ITFG1: variants seen among roughly 807,000 people sequenced by gnomAD.
ITFG1 encodes integrin alpha FG-GAP repeat containing 1, also known as T-cell immunomodulatory protein.
Under a neutral mutation model 81.8 loss-of-function variants are expected in ITFG1, and 34 were observed. The observed-to-expected ratio is 0.42, with a 90% CI of 0.32 to 0.55. ITFG1 has a LOEUF of 0.55. Among genes scored for constraint, ITFG1 ranks in the 20% least tolerant of loss-of-function variants. ITFG1 has a pLI of 0.17. For synonymous variants in ITFG1, 285 were observed against 270.6 expected (o/e 1.05, Z -0.52); for missense variants, 672 against 755.4 (o/e 0.89, Z 1.29).
chr16:47,155,811 G>T, intron 17 of ITFG1, 33 bp from the exon 18 acceptor site: 1 of 1,457,924 alleles, frequency 6.9e-7, no homozygotes, highest in Non-Finnish European at 9.5e-7. Flanking sequence ...TTTATAAATG[G>T]TAGAAAGATG....
intron 16 of ITFG1, among the ~76,000 whole-genome samples, chr16:47,160,986 AT>A (rs1318512963): frequency 6.6e-6 from 1 of 152,236 alleles, no homozygotes; most frequent in Non-Finnish European, 1.5e-5. Flanking sequence ...TTACATATTC[AT>A]AGATAAATTC....
intron 10 of ITFG1, among the ~76,000 whole-genome samples, chr16:47,267,207 CTATT>C (rs1165626509): frequency 6.6e-6 from 1 of 152,110 alleles, no homozygotes; most frequent in Admixed American, 6.5e-5. Flanking sequence ...CTCAACAAAA[CTATT>C]TACATAGGTT....
At chr16:47,235,923 T>C (rs943316175) in intron 13 of ITFG1, among the ~76,000 whole-genome samples, 1 of 152,160 alleles carries the variant, frequency 6.6e-6, no homozygotes, top group African/African-American at 2.4e-5. Context: ...CAGTAAAATA[T>C]CAGAGAGAAG....
chr16:47,174,397 C>A (rs892205348), intron 14 of ITFG1, among the ~76,000 whole-genome samples: 1 of 152,078 alleles, frequency 6.6e-6, no homozygotes, highest in African/African-American at 2.4e-5. Context: ...AAGAGGAAGA[C>A]CCACTAGCTG....
intron 14 of ITFG1, among the ~76,000 whole-genome samples, chr16:47,192,126 A>T (rs1965300579): frequency 6.6e-6 from 1 of 152,220 alleles, no homozygotes; most frequent in Admixed American, 6.5e-5. Context: ...AGTCTTTGCC[A>T]TAACTGAGTC....
At chr16:47,165,723 G>C (rs189161145) in intron 14 of ITFG1, among the ~76,000 whole-genome samples, 50 of 152,296 alleles carry the variant, frequency 3.3e-4, no homozygotes, top group Non-Finnish European at 6.8e-4. Context: ...GCATGTGCCT[G>C]TAGTCCCAGT....
At chr16:47,447,826 G>T (rs190126937) in intron 5 of ITFG1, among the ~76,000 whole-genome samples, 325 of 152,322 alleles carry the variant, frequency 2.1e-3, no homozygotes, top group African/African-American at 7.5e-3. Flanking sequence ...ACTGGGAAAA[G>T]AAATTAATGT....
At chr16:47,320,274 T>C (rs1272708222) in intron 8 of ITFG1, among the ~76,000 whole-genome samples, 1 of 152,218 alleles carries the variant, frequency 6.6e-6, no homozygotes, top group Non-Finnish European at 1.5e-5. Flanking sequence ...AGCAGCCCTT[T>C]CAAAATTAAG....
chr16:47,325,455 G>A (rs1292574888), intron 8 of ITFG1, among the ~76,000 whole-genome samples: 1 of 151,966 alleles, frequency 6.6e-6, no homozygotes, highest in Non-Finnish European at 1.5e-5. Flanking sequence ...CTAGCAGAAG[G>A]CAAGAAATAA....
chr16:47,381,482 T>C (rs968120543), intron 6 of ITFG1, among the ~76,000 whole-genome samples: 2 of 152,148 alleles, frequency 1.3e-5, no homozygotes, highest in Admixed American at 6.6e-5. Flanking sequence ...TAGAAAAACA[T>C]AGTTAATAAA....
intron 8 of ITFG1, among the ~76,000 whole-genome samples, chr16:47,346,554 A>C (rs967974720): frequency 4.6e-5 from 7 of 152,210 alleles, no homozygotes; most frequent in Non-Finnish European, 1.0e-4. Flanking sequence ...AAACAAAGAG[A>C]ATACTTAAAA....
At chr16:47,418,000 A>G (rs545167732) in intron 6 of ITFG1, among the ~76,000 whole-genome samples, 1 of 152,192 alleles carries the variant, frequency 6.6e-6, no homozygotes, top group Non-Finnish European at 1.5e-5. Context: ...CAAACAATGT[A>G]TAAGTGTTCT....
chr16:47,410,922 A>G (rs1020503988), intron 6 of ITFG1, among the ~76,000 whole-genome samples: 1 of 152,132 alleles, frequency 6.6e-6, no homozygotes, highest in Admixed American at 6.5e-5. Context: ...AGGGCCAGGG[A>G]AAGAGCAGGG....
At chr16:47,336,959 T>A (rs1416260342) in intron 8 of ITFG1, among the ~76,000 whole-genome samples, 3 of 137,884 alleles carry the variant, frequency 2.2e-5, no homozygotes, top group Non-Finnish European at 3.1e-5. Context: ...CGAGACTCCA[T>A]CTCAAAAAAA....
intron 6 of ITFG1, among the ~76,000 whole-genome samples, chr16:47,418,525 AG>A (rs1158636977): frequency 6.6e-6 from 1 of 152,078 alleles, no homozygotes; most frequent in Non-Finnish European, 1.5e-5. Flanking sequence ...GTAATTTTAT[AG>A]TTTTGGGTCA....
At chr16:47,315,040 C>T (rs766665587) in intron 8 of ITFG1, among the ~76,000 whole-genome samples, 4 of 151,954 alleles carry the variant, frequency 2.6e-5, no homozygotes, top group Non-Finnish European at 5.9e-5. Context: ...AAATGCACAA[C>T]AAAGTAAAAA....
intron 12 of ITFG1, among the ~76,000 whole-genome samples, chr16:47,240,295 C>CA (rs565661862): frequency 0.09 from 4,654 of 51,432 alleles, 338 homozygotes; most frequent in African/African-American, 0.19. Flanking sequence ...GATCCTGTCT[C>CA]AAAAAAAAAA....
In ITFG1 at chr16:47,154,546, A is replaced by G. The variant is rs975612644; in HGVS notation, c.*1173T>C. On this transcript the variant is annotated 3_prime_UTR_variant, in exon 18 of 18. Transcript: ENST00000320640. The stretch of plus-strand genomic sequence containing the variant: ...TTATAGGCATCACATGTCCATTTGC[A>G]TACTAGAAAATTATTAGCATTGATA... 2 of 152,254 alleles carry G rather than the reference A, an allele frequency of 1.3e-5. No individual in the cohort carries two copies. The highest frequency in any genetic ancestry group is 4.8e-5 in the African/African-American group (2 of 41,468). The allele number at this position is 152,254 out of a possible 1,614,324, so 9.4% of individuals were successfully genotyped here. A position where few individuals can be genotyped will look rare whatever the true frequency, so the allele number is the denominator to read the frequency against.
At chr16:47,314,872 T>C (rs1967327805) in intron 8 of ITFG1, among the ~76,000 whole-genome samples, 1 of 152,126 alleles carries the variant, frequency 6.6e-6, no homozygotes, top group African/African-American at 2.4e-5. Flanking sequence ...TATGCTTCAT[T>C]GTATATTTAG....
Sources: allele counts gnomAD v4.1 joint callset (sites outside exome capture counted in the v4.1 genomes callset), GRCh38; gene constraint gnomAD v4.1.1; transcripts MANE v1.5; gene names NCBI Gene and HGNC (gene_info 2026-07-23, HGNC 2026-07-21).